Variants in SCN7A observed in about 807,000 individuals in gnomAD.
SCN7A encodes the protein sodium voltage-gated channel alpha subunit 7, also known as sodium channel protein type 7 subunit alpha.
A neutral mutation model predicts 155.2 loss-of-function variants in SCN7A; 138 were observed. The ratio of observed to expected loss-of-function variants is 0.89; its 90% CI spans 0.77 to 1.02. The LOEUF is 1.02. Among genes scored for constraint, SCN7A ranks in the 50% least tolerant of loss-of-function variants. The pLI, the probability that SCN7A is intolerant of heterozygous loss-of-function variation, is 0.00. For synonymous variants in SCN7A, 693 were observed against 649.0 expected (o/e 1.07, Z -1.03); for missense variants, 2,058 against 1,986.6 (o/e 1.04, Z -0.68).
chr2:166,422,154 T>G (rs994262927), intron 19 of SCN7A, among the ~76,000 whole-genome samples: 1 of 152,096 alleles, frequency 6.6e-6, no homozygotes, highest in Non-Finnish European at 1.5e-5. Context: ...GGTCAGCTAT[T>G]TTAAATCATT....
At chr2:166,423,191 A>T in intron 19 of SCN7A, 68 bp downstream of exon 19, 1 of 1,450,484 alleles carries the variant, frequency 6.9e-7, no homozygotes, top group South Asian at 1.3e-5. Flanking sequence ...ACTGACAGGA[A>T]GTGAAAGAGT....
At chr2:166,417,649 A>T (rs1460479417) in intron 20 of SCN7A, among the ~76,000 whole-genome samples, 6 of 151,420 alleles carry the variant, frequency 4.0e-5, no homozygotes, top group South Asian at 4.1e-4. Context: ...AGAAATGATC[A>T]TTCAAGATAA....
intron 18 of SCN7A, among the ~76,000 whole-genome samples, chr2:166,426,032 G>T (rs144565979): frequency 6.2e-4 from 94 of 152,142 alleles, no homozygotes; most frequent in African/African-American, 2.0e-3. Flanking sequence ...ATGTTAATCA[G>T]ACCTGATGAA....
At chr2:166,414,853 T>TATATAATATATATTATATAGG (rs1701328019) in intron 21 of SCN7A, 1 of 96,312 alleles carries the variant, frequency 1.0e-5, no homozygotes, top group Non-Finnish European at 2.0e-5. Flanking sequence ...ATATAGGATA[T>TATATAATATATATTATATAGG]ATAATATATA....
rs1702526860 is a variant in SCN7A at position 166,465,989 on chromosome 2, T to C, written c.665-2A>G. On this transcript the variant is annotated splice_acceptor_variant, in intron 7 of 25. Transcript: ENST00000643258. LOFTEE classifies it high-confidence loss of function. Reference sequence around the variant, plus strand: ...GGACCCCTACAAGGGATTTCAGACCTGGAAAGAGAAACATTTGTTTTCGAA... The same window carrying C: ...GGACCCCTACAAGGGATTTCAGACCCGGAAAGAGAAACATTTGTTTTCGAA... The C allele has an allele frequency of 6.2e-7, 1 of 1,601,650 alleles. No homozygotes were observed. The highest frequency in any genetic ancestry group is 1.1e-5 in the South Asian group (1 of 89,858).
At chr2:166,413,178 C>T in intron 21 of SCN7A, 57 bp from the exon 22 acceptor site, 2 of 1,055,460 alleles carry the variant, frequency 1.9e-6, no homozygotes, top group East Asian at 2.7e-5. Context: ...AAAGTAAAAT[C>T]TCAGTCTCTT....
chr2:166,465,980 T>A lies in SCN7A; in HGVS notation c.672A>T (p.Lys224Asn). ...LKIIPLNQGL[K>N]SLVGVLIHCL... Reference sequence around the variant, plus strand: ...AGTGGATCAGGACCCCTACAAGGGATTTCAGACCTGGAAAGAGAAACATTT... The same window carrying A: ...AGTGGATCAGGACCCCTACAAGGGAATTCAGACCTGGAAAGAGAAACATTT... The change falls in exon 8 of 26, where the codon AAA (lysine) becomes AAT (asparagine). Residue 224 changes from lysine (K) to asparagine (N), a missense_variant. Lys to Asn is a moderately conservative substitution (Grantham distance 94). Transcript: ENST00000643258. The A allele has an allele frequency of 6.2e-7, 1 of 1,608,698 alleles. No individual in the cohort carries two copies. Among genetic ancestry groups the A allele is most frequent in the Non-Finnish European group, 8.5e-7 (1 of 1,177,084 alleles).
intron 3 of SCN7A, among the ~76,000 whole-genome samples, chr2:166,475,165 G>GTGGATA (rs1227202004): frequency 2.4e-5 from 3 of 122,802 alleles, no homozygotes; most frequent in Non-Finnish European, 5.5e-5. Context: ...GTGAAAGTGT[G>GTGGATA]TATATATATC....
At chr2:166,465,701 G>A (rs1283248785) in intron 8 of SCN7A, 80 bp downstream of exon 8, 2 of 1,432,956 alleles carry the variant, frequency 1.4e-6, no homozygotes, top group South Asian at 1.2e-5. Flanking sequence ...AAAATGTTGA[G>A]TGTTCAACAT....
intron 1 of SCN7A, among the ~76,000 whole-genome samples, chr2:166,492,268 T>A (rs74432996): frequency 4.6e-5 from 7 of 152,212 alleles, no homozygotes; most frequent in Middle Eastern, 3.4e-3. Flanking sequence ...AATTGAGTTC[T>A]TTCTTCTATT....
At chr2:166,459,392 T>C (rs1484508649) in intron 10 of SCN7A, among the ~76,000 whole-genome samples, 1 of 152,172 alleles carries the variant, frequency 6.6e-6, no homozygotes, top group Non-Finnish European at 1.5e-5. Flanking sequence ...TACACAAAGA[T>C]CTTAGCACAT....
intron 18 of SCN7A, among the ~76,000 whole-genome samples, chr2:166,425,362 G>C (rs1701601503): frequency 6.6e-6 from 1 of 152,112 alleles, no homozygotes; most frequent in African/African-American, 2.4e-5. Context: ...GCAAGACCTA[G>C]AAACATGTAC....
chr2:166,426,521 A>T (rs1358707011), intron 18 of SCN7A, among the ~76,000 whole-genome samples: 1 of 152,136 alleles, frequency 6.6e-6, no homozygotes, highest in Non-Finnish European at 1.5e-5. Flanking sequence ...AACTAGTAAG[A>T]AAGAAAGAAG....
At chr2:166,470,204 G>T (rs1702623153) in intron 7 of SCN7A, among the ~76,000 whole-genome samples, 1 of 151,628 alleles carries the variant, frequency 6.6e-6, no homozygotes, top group African/African-American at 2.4e-5. Context: ...AAAGCAAAGG[G>T]GAATTCATCT....
At chr2:166,483,443 A>G (rs1702976106) in intron 2 of SCN7A, among the ~76,000 whole-genome samples, 1 of 151,842 alleles carries the variant, frequency 6.6e-6, no homozygotes, top group Non-Finnish European at 1.5e-5. Flanking sequence ...TGTACATATT[A>G]TGTTGTATTT....
At chr2:166,424,713 T>A (rs1431626577) in intron 18 of SCN7A, among the ~76,000 whole-genome samples, 1 of 151,934 alleles carries the variant, frequency 6.6e-6, no homozygotes, top group Non-Finnish European at 1.5e-5. Context: ...GTGGGATGAT[T>A]TAACACATTA....
chr2:166,429,645 G>C (rs865954101), intron 16 of SCN7A, among the ~76,000 whole-genome samples: 2 of 152,028 alleles, frequency 1.3e-5, no homozygotes, highest in African/African-American at 4.8e-5. Flanking sequence ...TCAATTAGAT[G>C]AGTAGAATCA....
intron 20 of SCN7A, among the ~76,000 whole-genome samples, chr2:166,420,692 T>C (rs1019237834): frequency 6.6e-6 from 1 of 152,148 alleles, no homozygotes. Flanking sequence ...GGTTTTAACA[T>C]GTGAGTGATG....
chr2:166,414,808 G>T (rs1050099849), intron 21 of SCN7A: 1 of 130,316 alleles, frequency 7.7e-6, no homozygotes, highest in Non-Finnish European at 1.6e-5. Flanking sequence ...ATAATATATA[G>T]TAGGATATAT....
Sources: allele counts gnomAD v4.1 joint callset (sites outside exome capture counted in the v4.1 genomes callset), GRCh38; gene constraint gnomAD v4.1.1; transcripts MANE v1.5; gene names NCBI Gene and HGNC (gene_info 2026-07-23, HGNC 2026-07-21).